CNTN5: variants seen among roughly 807,000 people sequenced by gnomAD.
CNTN5 encodes the protein contactin-5.
A neutral mutation model predicts 129.1 loss-of-function variants in CNTN5; 77 were observed. The ratio of observed to expected loss-of-function variants is 0.60; its 90% CI spans 0.50 to 0.72. The LOEUF (loss-of-function observed/expected upper bound fraction) is 0.72, where lower values mean the gene tolerates loss of function less well. Among genes scored for constraint, CNTN5 ranks in the 30% least tolerant of loss-of-function variants. The probability of loss-of-function intolerance (pLI) is 0.00; values close to 1 mark genes in which losing one functional copy is unlikely to be tolerated. For missense variants in CNTN5, 1,478 were observed against 1,328.8 expected, an observed-to-expected ratio of 1.11 and a Z score of -1.75; for synonymous variants, 509 against 465.6, an observed-to-expected ratio of 1.09 and a Z score of -1.20.
At chr11:99,653,981 T>C (rs188982327) in intron 3 of CNTN5, among the ~76,000 whole-genome samples, 2,130 of 151,592 alleles carry the variant, frequency 0.014, 31 homozygotes, top group Non-Finnish European at 0.02. Context: ...GTTATTTCTA[T>C]TAAAAAAAAA....
intron 6 of CNTN5, among the ~76,000 whole-genome samples, chr11:99,858,295 T>A (rs1018897075): frequency 6.6e-6 from 1 of 152,100 alleles, no homozygotes; most frequent in African/African-American, 2.4e-5. Flanking sequence ...AATTCTGTTT[T>A]CATAAACATA....
intron 1 of CNTN5, among the ~76,000 whole-genome samples, chr11:99,160,326 ATTTTG>A (rs1203452635): frequency 6.6e-6 from 1 of 152,196 alleles, no homozygotes; most frequent in Non-Finnish European, 1.5e-5. Flanking sequence ...TATGTGCAAT[ATTTTG>A]TTTTGTTTAG....
rs143312847 is a variant in CNTN5 at position 99,896,263 on chromosome 11, C to T, written c.578-19791C>T. Among the ~76,000 whole-genome samples, 686 of 152,264 alleles carry T rather than the reference C, an allele frequency of 4.5e-3. 7 individuals are homozygous for T. Among genetic ancestry groups the T allele is most frequent in the Non-Finnish European group, 7.2e-3 (491 of 68,022 alleles). ...CTGCCAAACAGGGCTTGCTGCCTTT[C>T]GGCCCATAACACACTTACTCATCCC... is the stretch of plus-strand genomic sequence containing the variant. On this transcript the variant is annotated intron_variant, in intron 6 of 24. Coordinates refer to ENST00000524871, the MANE Select transcript of CNTN5 (RefSeq NM_014361.4).
At chr11:99,234,822 C>T (rs141194678) in intron 1 of CNTN5, among the ~76,000 whole-genome samples, 1 of 152,052 alleles carries the variant, frequency 6.6e-6, no homozygotes, top group Admixed American at 6.6e-5. Flanking sequence ...ATAGACTCAA[C>T]TGACACAGAT....
At chr11:99,619,886 C>T (rs951373730) in intron 3 of CNTN5, among the ~76,000 whole-genome samples, 18 of 151,836 alleles carry the variant, frequency 1.2e-4, no homozygotes, top group Non-Finnish European at 2.1e-4. Context: ...ATTAGCCGGG[C>T]ATGGTGGCGG....
intron 9 of CNTN5, among the ~76,000 whole-genome samples, chr11:100,051,117 A>G (rs1385350844): frequency 6.6e-6 from 1 of 152,108 alleles, no homozygotes; most frequent in Non-Finnish European, 1.5e-5. Context: ...GAAAATCAGT[A>G]AAGTACAGAA....
chr11:99,354,830 C>A (rs1424398767), intron 2 of CNTN5, among the ~76,000 whole-genome samples: 1 of 152,158 alleles, frequency 6.6e-6, no homozygotes, highest in East Asian at 1.9e-4. Flanking sequence ...TAAAACCCTG[C>A]CATAGCTGTA....
rs1952577735 is a variant in CNTN5 at position 100,358,635 on chromosome 11, T to A, written c.*2415T>A. On this transcript the variant is annotated 3_prime_UTR_variant, in exon 25 of 25. Coordinates refer to ENST00000524871, the MANE Select transcript of CNTN5 (RefSeq NM_014361.4). The stretch of plus-strand genomic sequence containing the variant: ...TCACTAAAGAGACTGTATTTTTGTA[T>A]AATGTCCATTGAATATGAAGAAAGC... 6.6e-6 allele frequency: 1 copy of A among 151,954 alleles called. No homozygotes were observed. The highest frequency in any genetic ancestry group is 6.6e-5 in the Admixed American group (1 of 15,218). 9.4% of individuals were successfully genotyped at this position (151,954 alleles called of 1,614,324 possible). A position where few individuals can be genotyped will look rare whatever the true frequency, so the allele number is the denominator to read the frequency against.
chr11:99,860,229 T>C (rs1238790366), intron 6 of CNTN5, among the ~76,000 whole-genome samples: 1 of 152,150 alleles, frequency 6.6e-6, no homozygotes, highest in Non-Finnish European at 1.5e-5. Context: ...TGAGGTGTAG[T>C]ATACAGATAT....
At chr11:99,420,036 G>C (rs1942819134) in intron 2 of CNTN5, among the ~76,000 whole-genome samples, 1 of 152,052 alleles carries the variant, frequency 6.6e-6, no homozygotes, top group Admixed American at 6.6e-5. Context: ...TATAGTCAAG[G>C]TAAATCCAAG....
At chr11:99,247,275 T>G (rs1022134949) in intron 1 of CNTN5, among the ~76,000 whole-genome samples, 1 of 152,088 alleles carries the variant, frequency 6.6e-6, no homozygotes, top group African/African-American at 2.4e-5. Flanking sequence ...TTTGTTTTAA[T>G]TTTCTGAACT....
At chr11:100,130,984 T>A (rs1049862727) in intron 13 of CNTN5, among the ~76,000 whole-genome samples, 1 of 152,150 alleles carries the variant, frequency 6.6e-6, no homozygotes, top group South Asian at 2.1e-4. Context: ...TCGGTTGTTA[T>A]GTAACATTGG....
intron 1 of CNTN5, among the ~76,000 whole-genome samples, chr11:99,104,616 G>GTC (rs1555044607): frequency 7.0e-6 from 1 of 142,750 alleles, no homozygotes; most frequent in Admixed American, 6.8e-5. Context: ...CAATGTGTGT[G>GTC]TATATATATA....
chr11:99,511,311 A>G (rs1201788059), intron 2 of CNTN5, among the ~76,000 whole-genome samples: 8 of 152,170 alleles, frequency 5.3e-5, no homozygotes, highest in Non-Finnish European at 1.2e-4. Flanking sequence ...CCCAGTAGTC[A>G]TTCAGGAGCA....
At chr11:100,048,940 T>C (rs1038835801) in intron 9 of CNTN5, among the ~76,000 whole-genome samples, 3 of 152,120 alleles carry the variant, frequency 2.0e-5, no homozygotes, top group African/African-American at 7.2e-5. Context: ...CTTAAATAGT[T>C]CACTTGGAGT....
At chr11:99,148,810 G>A (rs1859910155) in intron 1 of CNTN5, among the ~76,000 whole-genome samples, 1 of 151,746 alleles carries the variant, frequency 6.6e-6, no homozygotes, top group Non-Finnish European at 1.5e-5. Flanking sequence ...CATTCATTCT[G>A]GAAAATGAAT....
intron 13 of CNTN5, among the ~76,000 whole-genome samples, chr11:100,154,350 ATCAT>A (rs1947164818): frequency 4.1e-5 from 1 of 24,356 alleles, no homozygotes; most frequent in African/African-American, 4.7e-4. Context: ...CAGTCTATCA[ATCAT>A]TGATGGGCAC....
intron 3 of CNTN5, among the ~76,000 whole-genome samples, chr11:99,684,214 A>G (rs1953686376): frequency 6.6e-6 from 1 of 151,840 alleles, no homozygotes; most frequent in Non-Finnish European, 1.5e-5. Context: ...TGAGTCAATA[A>G]TGCTTTATAG....
intron 1 of CNTN5, among the ~76,000 whole-genome samples, chr11:99,316,419 A>C (rs1013245720): frequency 5.9e-5 from 9 of 152,182 alleles, no homozygotes; most frequent in African/African-American, 2.2e-4. Context: ...TAAATTCTAG[A>C]ATTTCTTAAA....
Sources: gnomAD v4.1 joint callset for allele counts (sites outside exome capture counted in the v4.1 genomes callset) on GRCh38, gnomAD v4.1.1 for gene constraint, MANE v1.5 for transcripts, NCBI Gene and HGNC (gene_info 2026-07-23, HGNC 2026-07-21) for gene names.